The following ELF1 variants were observed in gnomAD, a reference collection of about 807,000 sequenced individuals.
ELF1 encodes E74 like ETS transcription factor 1, also known as ETS-related transcription factor Elf-1.
Under a neutral mutation model 59.9 loss-of-function variants are expected in ELF1, and 24 were observed. That is an observed-to-expected ratio of 0.40 (90% confidence interval 0.29 to 0.56). The LOEUF (loss-of-function observed/expected upper bound fraction) is 0.56, where lower values mean the gene tolerates loss of function less well. Among genes scored for constraint, ELF1 ranks in the 20% least tolerant of loss-of-function variants. The pLI is 0.44. For missense variants in ELF1, 627 were observed against 742.2 expected, an observed-to-expected ratio of 0.84 and a Z score of 1.80; for synonymous variants, 248 against 266.2, an observed-to-expected ratio of 0.93 and a Z score of 0.67.
At chr13:40,965,295 T>C (rs1019805465) in intron 2 of ELF1, among the ~76,000 whole-genome samples, 4 of 152,178 alleles carry the variant, frequency 2.6e-5, no homozygotes, top group African/African-American at 7.2e-5. Context: ...ACACTCCTAA[T>C]AGTAAGCAAT....
chr13:40,954,337 G>A (rs1235994989), intron 3 of ELF1, among the ~76,000 whole-genome samples: 1 of 152,096 alleles, frequency 6.6e-6, no homozygotes, highest in Non-Finnish European at 1.5e-5. Flanking sequence ...GGAGGTGACC[G>A]GATCGTGGAG....
chr13:41,031,696 T>G (rs1483328068), intron 1 of ELF1, among the ~76,000 whole-genome samples: 1 of 151,230 alleles, frequency 6.6e-6, no homozygotes, highest in Non-Finnish European at 1.5e-5. Context: ...GGTGGGCGCC[T>G]GTAATCCCAT....
At chr13:40,985,684 T>C (rs547125791) in intron 1 of ELF1, among the ~76,000 whole-genome samples, 1 of 152,204 alleles carries the variant, frequency 6.6e-6, no homozygotes, top group East Asian at 1.9e-4. Flanking sequence ...TGTCCAAAAC[T>C]AAATGCATCA....
At chr13:41,040,884 T>A (rs1876579766) in intron 1 of ELF1, among the ~76,000 whole-genome samples, 2 of 152,208 alleles carry the variant, frequency 1.3e-5, no homozygotes. Flanking sequence ...GTAGTTACTA[T>A]GAGCCAAGCA....
chr13:40,955,221 C>T lies in ELF1; in HGVS notation c.253+3615G>A, dbSNP rs1231631360. Among the ~76,000 whole-genome samples the T allele has an allele frequency of 5.1e-3, 757 of 149,450 alleles. 11 individuals are homozygous for T. Among genetic ancestry groups the T allele is most frequent in the South Asian group, 0.011 (53 of 4,646 alleles). On this transcript the variant is annotated intron_variant, in intron 3 of 8. Coordinates refer to ENST00000239882, the MANE Select transcript of ELF1 (RefSeq NM_172373.4). ...GAGCCCCTCCGCCCGGCAGCCACTC[C>T]GTCTGGGAAGTGAGGAGCATCTCCG...
At chr13:40,955,780 T>TCGGC (rs1871340137) in intron 3 of ELF1, among the ~76,000 whole-genome samples, 1 of 36,172 alleles carries the variant, frequency 2.8e-5, no homozygotes, top group Non-Finnish European at 4.3e-5. Context: ...GGCGGGGGGG[T>TCGGC]CAGCCCCCCG....
At position 40,949,848 on chromosome 13, in the gene ELF1, A is replaced by G; in HGVS notation, c.487T>C (p.Ser163Pro). ...TGTTCTGGTGATGAGGCTCCCGGTGAGTCTGCATATTTTTCTTGCACCTGC... is the reference window on the plus strand; with the variant it reads ...TGTTCTGGTGATGAGGCTCCCGGTGGGTCTGCATATTTTTCTTGCACCTGC... ...TQQVQEKYAD[S>P]PGASSPEQPK... Residue 163 changes from serine (S) to proline (P), a missense_variant, in exon 5 of 9, where the codon TCA becomes CCA. Ser to Pro is a moderately conservative substitution (Grantham distance 74, BLOSUM62 -1). Coordinates refer to ENST00000239882, the MANE Select transcript of ELF1 (RefSeq NM_172373.4). 6.2e-7 allele frequency: 1 copy of G among 1,614,056 alleles called. No individual in the cohort carries two copies. Among genetic ancestry groups the G allele is most frequent in the Non-Finnish European group, 8.5e-7 (1 of 1,180,004 alleles).
intron 2 of ELF1, among the ~76,000 whole-genome samples, chr13:40,981,039 A>G (rs1220721828): frequency 2.0e-5 from 3 of 152,110 alleles, no homozygotes; most frequent in Non-Finnish European, 4.4e-5. Flanking sequence ...AAAATCATTA[A>G]ATTCACTCTG....
At chr13:40,997,917 G>A (rs1369468443) in intron 1 of ELF1, among the ~76,000 whole-genome samples, 3 of 152,082 alleles carry the variant, frequency 2.0e-5, no homozygotes, top group Admixed American at 1.3e-4. Context: ...TTGGGAGGCC[G>A]AGGTGGTCAG....
intron 2 of ELF1, among the ~76,000 whole-genome samples, chr13:40,978,924 T>C (rs1385214548): frequency 2.0e-5 from 3 of 152,076 alleles, no homozygotes; most frequent in African/African-American, 7.2e-5. Flanking sequence ...GCAGGTTTGT[T>C]ACATGAGTAT....
chr13:41,057,609 T>C (rs1877336668), intron 1 of ELF1, among the ~76,000 whole-genome samples: 1 of 152,176 alleles, frequency 6.6e-6, no homozygotes, highest in Non-Finnish European at 1.5e-5. Flanking sequence ...TTCGCCATGT[T>C]GATCCACCTG....
At position 40,937,923 on chromosome 13, in the gene ELF1, TCTC is replaced by T. The variant is rs1043083759; in HGVS notation, c.1256+2995_1256+2997del. Among the ~76,000 whole-genome samples, 30 of 152,330 alleles carry T rather than the reference TCTC, an allele frequency of 2.0e-4. 1 individual carries two copies. The highest frequency in any genetic ancestry group is 6.7e-4 in the African/African-American group (28 of 41,572). On this transcript the variant is annotated intron_variant, in intron 8 of 8. Transcript: ENST00000239882. ...TCTGCCCCTCCTGAGTTCAAGTTATTCTCCTGCCTCAGCCTCCTGAGTAGCTAG... is the reference window on the plus strand; with the variant it reads ...TCTGCCCCTCCTGAGTTCAAGTTATTCTGCCTCAGCCTCCTGAGTAGCTAG...
Position 41,014,832 on chromosome 13 carries a change from G to GT in ELF1, c.-229+4395dup, listed in dbSNP as rs1875264437. Among the ~76,000 whole-genome samples the GT allele has an allele frequency of 2.0e-5, 3 of 152,184 alleles. No homozygotes were observed. In the South Asian group the frequency reaches 6.2e-4, roughly 32 times the overall value. On this transcript the variant is annotated intron_variant, in intron 1 of 8. Coordinates refer to ENST00000239882, the MANE Select transcript of ELF1 (RefSeq NM_172373.4). ...CTAACAATGTCCCATTAGATGAGAT[G>GT]TAATGTTAGGCAAAACCTACAAATA...
At chr13:41,022,471 T>C (rs1593400132), upstream of ELF1, among the ~76,000 whole-genome samples, 1 of 152,210 alleles carries the variant, frequency 6.6e-6, no homozygotes, top group East Asian at 1.9e-4. Context: ...TTCTGTATCT[T>C]GACTGTGGTA....
intron 1 of ELF1, among the ~76,000 whole-genome samples, chr13:41,051,449 C>T (rs998210858): frequency 2.0e-5 from 3 of 151,824 alleles, no homozygotes; most frequent in Non-Finnish European, 4.4e-5. Context: ...TAGAGGGTAT[C>T]GATGATAAAC....
chr13:40,970,612 T>A (rs1872478158), intron 2 of ELF1, among the ~76,000 whole-genome samples: 1 of 152,214 alleles, frequency 6.6e-6, no homozygotes, highest in African/African-American at 2.4e-5. Flanking sequence ...TGGATGTTAA[T>A]CTTCGTGCCA....
chr13:40,957,587 GTA>G (rs1282859541), intron 3 of ELF1, among the ~76,000 whole-genome samples: 1 of 151,778 alleles, frequency 6.6e-6, no homozygotes, highest in Non-Finnish European at 1.5e-5. Flanking sequence ...CTCCAGCCAT[GTA>G]GGATGTGCCT....
intron 3 of ELF1, among the ~76,000 whole-genome samples, chr13:40,957,827 T>C (rs1319091017): frequency 2.0e-5 from 3 of 152,224 alleles, no homozygotes; most frequent in African/African-American, 7.2e-5. Context: ...CCCCACCAGA[T>C]GGATACAGTC....
At chr13:41,058,652 G>A (rs1277526059) in intron 1 of ELF1, among the ~76,000 whole-genome samples, 1 of 152,182 alleles carries the variant, frequency 6.6e-6, no homozygotes, top group African/African-American at 2.4e-5. Flanking sequence ...AGCACCATTT[G>A]GTACAATGTT....
Sources: allele counts gnomAD v4.1 joint callset (sites outside exome capture counted in the v4.1 genomes callset), GRCh38; gene constraint gnomAD v4.1.1; transcripts MANE v1.5; gene names NCBI Gene and HGNC (gene_info 2026-07-23, HGNC 2026-07-21).